Variants in BNC2 observed in about 807,000 individuals in gnomAD.
BNC2 encodes zinc finger protein basonuclin-2.
A neutral mutation model predicts 76.3 loss-of-function variants in BNC2; 20 were observed. That is an observed-to-expected ratio of 0.26 (90% confidence interval 0.18 to 0.38). The LOEUF is 0.38. Ranked by LOEUF, BNC2 falls within the 10% of genes least tolerant of loss-of-function variation. The pLI is 1.00. For synonymous variants in BNC2, 582 were observed against 514.8 expected (o/e 1.13, Z -1.77); for missense variants, 1,382 against 1,399.8 (o/e 0.99, Z 0.20).
At chr9:16,557,075 C>T (rs995599529) in intron 4 of BNC2, among the ~76,000 whole-genome samples, 3 of 151,946 alleles carry the variant, frequency 2.0e-5, no homozygotes, top group Non-Finnish European at 2.9e-5. Flanking sequence ...ATGAGTTAGG[C>T]CAATGGCGCT....
chr9:16,536,143 C>A (rs576048328), intron 5 of BNC2, among the ~76,000 whole-genome samples: 1 of 152,200 alleles, frequency 6.6e-6, no homozygotes, highest in African/African-American at 2.4e-5. Flanking sequence ...ATATGCTTTA[C>A]TCACTTTAAA....
rs1554702315 is a variant in BNC2 at position 16,665,386 on chromosome 9, A to AAAGAGAGAG, written c.330+62410_330+62411insCTCTCTCTT. Among the ~76,000 whole-genome samples, 24 of 84,286 alleles carry AAAGAGAGAG rather than the reference A, an allele frequency of 2.8e-4. 3 individuals carry two copies. Among genetic ancestry groups the AAAGAGAGAG allele is most frequent in the Non-Finnish European group, 4.0e-4 (19 of 47,314 alleles). 55.3% of individuals were successfully genotyped at this position (84,286 alleles called of 152,430 possible). On this transcript the variant is annotated intron_variant, in intron 3 of 6. Transcript: ENST00000380672. ...CCTCTGTCTCAAAAAAAAAAAAAAA[A>AAAGAGAGAG]AGAGAGAGAGAGAGAGAAAGAGAGA...
intron 1 of BNC2, among the ~76,000 whole-genome samples, chr9:16,745,245 A>T (rs1824967846): frequency 6.6e-6 from 1 of 152,202 alleles, no homozygotes; most frequent in African/African-American, 2.4e-5. Context: ...AGACATTTCA[A>T]AGTAGAAGAC....
At chr9:16,714,076 G>A (rs1823929495) in intron 3 of BNC2, among the ~76,000 whole-genome samples, 2 of 152,202 alleles carry the variant, frequency 1.3e-5, no homozygotes, top group Non-Finnish European at 2.9e-5. Flanking sequence ...ACCACACCTT[G>A]TCTCCCCTCA....
chr9:16,623,478 G>C (rs1395728965), intron 3 of BNC2, among the ~76,000 whole-genome samples: 1 of 152,170 alleles, frequency 6.6e-6, no homozygotes, highest in Non-Finnish European at 1.5e-5. Flanking sequence ...GAGTAGAACA[G>C]TATTGTCAAA....
chr9:16,498,685 T>G, intron 5 of BNC2, among the ~76,000 whole-genome samples: 1 of 148,216 alleles, frequency 6.7e-6, no homozygotes, highest in South Asian at 2.2e-4. Flanking sequence ...ATAAAATCTA[T>G]AATCAAGAAA....
intron 5 of BNC2, among the ~76,000 whole-genome samples, chr9:16,456,359 A>ACC (rs1821448467): frequency 6.6e-6 from 1 of 151,900 alleles, no homozygotes; most frequent in Non-Finnish European, 1.5e-5. Flanking sequence ...CATGAAGGTT[A>ACC]CCCCACTAGA....
chr9:16,768,548 T>C (rs1825754548), intron 1 of BNC2, among the ~76,000 whole-genome samples: 3 of 151,980 alleles, frequency 2.0e-5, no homozygotes, highest in Admixed American at 1.3e-4. Context: ...CACATGTTAG[T>C]AGAATAAATG....
At chr9:16,707,106 G>A (rs1326789789) in intron 3 of BNC2, among the ~76,000 whole-genome samples, 2 of 152,142 alleles carry the variant, frequency 1.3e-5, no homozygotes, top group African/African-American at 4.8e-5. Context: ...GGAGGCTGAG[G>A]CAGGAGAATG....
intron 5 of BNC2, among the ~76,000 whole-genome samples, chr9:16,508,896 T>C (rs998951877): frequency 8.6e-5 from 13 of 151,744 alleles, no homozygotes; most frequent in South Asian, 2.1e-4. Flanking sequence ...AATTAGCTCA[T>C]TGTAACCTCG....
At chr9:16,814,661 G>T (rs1342218313) in intron 1 of BNC2, among the ~76,000 whole-genome samples, 1 of 152,172 alleles carries the variant, frequency 6.6e-6, no homozygotes, top group Non-Finnish European at 1.5e-5. Flanking sequence ...TGAGATAACA[G>T]ATATCAGCTA....
intron 6 of BNC2, among the ~76,000 whole-genome samples, chr9:16,420,242 T>C (rs191853423): frequency 1.7e-4 from 26 of 152,274 alleles, no homozygotes; most frequent in Admixed American, 3.3e-4. Flanking sequence ...GGAAAAACAA[T>C]AGCTTAACAG....
chr9:16,542,411 G>A (rs547235076), intron 5 of BNC2, among the ~76,000 whole-genome samples: 5 of 152,264 alleles, frequency 3.3e-5, no homozygotes, highest in African/African-American at 1.2e-4. Context: ...AGGGGACAGG[G>A]AGAGAGGAAA....
At chr9:16,533,299 T>G (rs959203396) in intron 5 of BNC2, among the ~76,000 whole-genome samples, 1 of 152,330 alleles carries the variant, frequency 6.6e-6, no homozygotes, top group African/African-American at 2.4e-5. Flanking sequence ...ACACAAAGAT[T>G]AAGTATCAGG....
chr9:16,474,410 C>T (rs1439754188), intron 5 of BNC2, among the ~76,000 whole-genome samples: 1 of 152,110 alleles, frequency 6.6e-6, no homozygotes, highest in African/African-American at 2.4e-5. Flanking sequence ...ATTTAGAAGG[C>T]TGAGGCAATG....
intron 5 of BNC2, among the ~76,000 whole-genome samples, chr9:16,484,331 G>A (rs539282506): frequency 5.9e-5 from 9 of 152,122 alleles, no homozygotes; most frequent in Admixed American, 5.9e-4. Flanking sequence ...GAGAGTGCTC[G>A]AGGCGAAGAT....
At chr9:16,827,140 G>C (rs1818469854) in intron 1 of BNC2, among the ~76,000 whole-genome samples, 1 of 152,156 alleles carries the variant, frequency 6.6e-6, no homozygotes, top group African/African-American at 2.4e-5. Context: ...GTTACATCTG[G>C]AGAGGAAAAC....
chr9:16,512,576 C>T (rs2131943954), intron 5 of BNC2, among the ~76,000 whole-genome samples: 2 of 152,228 alleles, frequency 1.3e-5, no homozygotes, highest in African/African-American at 4.8e-5. Context: ...ATGACAAAGG[C>T]ACATCTAATA....
At chr9:16,535,262 G>A (rs1818093608) in intron 5 of BNC2, among the ~76,000 whole-genome samples, 1 of 152,172 alleles carries the variant, frequency 6.6e-6, no homozygotes, top group Non-Finnish European at 1.5e-5. Context: ...GGTAAAGAAA[G>A]CACTGGCGTA....
Sources: gnomAD v4.1 joint callset for allele counts (sites outside exome capture counted in the v4.1 genomes callset) on GRCh38, gnomAD v4.1.1 for gene constraint, MANE v1.5 for transcripts, NCBI Gene and HGNC (gene_info 2026-07-23, HGNC 2026-07-21) for gene names.